The following CSMD1 variants were observed in gnomAD, a reference collection of about 807,000 sequenced individuals.
CSMD1 encodes CUB and Sushi multiple domains 1.
In CSMD1, 213 loss-of-function variants were observed where a neutral mutation model predicts 417.5. That is an observed-to-expected ratio of 0.51 (90% confidence interval 0.46 to 0.57). The LOEUF (loss-of-function observed/expected upper bound fraction) is 0.57, where lower values mean the gene tolerates loss of function less well. Among genes scored for constraint, CSMD1 ranks in the 20% least tolerant of loss-of-function variants. CSMD1 has a pLI of 0.00. For missense variants in CSMD1, 6,923 were observed against 4,529.7 expected, an observed-to-expected ratio of 1.53 and a Z score of -15.17; for synonymous variants, 2,862 against 1,736.8, an observed-to-expected ratio of 1.65 and a Z score of -16.11.
At chr8:4,240,088 C>T (rs1390992163) in intron 3 of CSMD1, among the ~76,000 whole-genome samples, 2 of 152,204 alleles carry the variant, frequency 1.3e-5, no homozygotes, top group African/African-American at 4.8e-5. Context: ...AATAAAGCTT[C>T]TTAAATACTA....
intron 5 of CSMD1, among the ~76,000 whole-genome samples, chr8:3,822,211 A>G (rs1801774618): frequency 6.6e-6 from 1 of 152,132 alleles, no homozygotes; most frequent in Admixed American, 6.5e-5. Flanking sequence ...CCTTGACTAG[A>G]CACTCTGCCA....
intron 3 of CSMD1, among the ~76,000 whole-genome samples, chr8:4,099,765 C>G (rs955499688): frequency 1.3e-5 from 2 of 152,186 alleles, no homozygotes; most frequent in Non-Finnish European, 2.9e-5. Context: ...CTGAGTTAAT[C>G]TCCCAGCCAC....
chr8:3,118,984 T>C (rs1018359116), intron 41 of CSMD1, among the ~76,000 whole-genome samples: 10 of 152,202 alleles, frequency 6.6e-5, no homozygotes, highest in Admixed American at 5.2e-4. Context: ...ATCAAGACCA[T>C]CCTGGCTAAC....
intron 10 of CSMD1, among the ~76,000 whole-genome samples, chr8:3,517,144 G>C (rs1797314426): frequency 6.6e-6 from 1 of 152,152 alleles, no homozygotes; most frequent in Admixed American, 6.5e-5. Context: ...CTCCTGCAGT[G>C]TGCTCCTCAT....
chr8:3,306,255 T>G (rs1228580160), intron 25 of CSMD1, among the ~76,000 whole-genome samples: 3 of 152,232 alleles, frequency 2.0e-5, no homozygotes, highest in Non-Finnish European at 4.4e-5. Context: ...ATCATTTGTT[T>G]ATAAATATTT....
At chr8:4,588,448 C>G (rs1225724182) in intron 2 of CSMD1, among the ~76,000 whole-genome samples, 3 of 151,348 alleles carry the variant, frequency 2.0e-5, no homozygotes, top group Admixed American at 6.6e-5. Flanking sequence ...GCCAGTCTGT[C>G]CTCTCTGCAC....
chr8:3,538,663 G>C (rs1157019898), intron 10 of CSMD1, among the ~76,000 whole-genome samples: 1 of 152,210 alleles, frequency 6.6e-6, no homozygotes, highest in Non-Finnish European at 1.5e-5. Context: ...TGCCAGACTG[G>C]CCTTTTCTTC....
intron 1 of CSMD1, among the ~76,000 whole-genome samples, chr8:4,702,645 T>TCC (rs1442047200): frequency 6.6e-6 from 1 of 151,160 alleles, no homozygotes; most frequent in Admixed American, 6.6e-5. Context: ...GAATCACAAA[T>TCC]AAACGTTTCC....
chr8:4,027,991 G>A (rs894766213), intron 4 of CSMD1, among the ~76,000 whole-genome samples: 1 of 152,116 alleles, frequency 6.6e-6, no homozygotes, highest in Non-Finnish European at 1.5e-5. Context: ...TCTTAAGTGA[G>A]ATCAATTAAT....
At chr8:4,075,886 T>C (rs1799796149) in intron 3 of CSMD1, among the ~76,000 whole-genome samples, 2 of 152,162 alleles carry the variant, frequency 1.3e-5, no homozygotes, top group South Asian at 4.1e-4. Flanking sequence ...AGCCCAGAAA[T>C]TATAATTGGA....
In CSMD1 at chr8:3,269,221, G is replaced by C. The variant is rs1585866612; in HGVS notation, c.4153+14923C>G. Among the ~76,000 whole-genome samples the C allele has an allele frequency of 2.0e-5, 3 of 152,230 alleles. No homozygotes were observed. The South Asian group carries it at 6.2e-4, about 31-fold the overall frequency. On this transcript the variant is annotated intron_variant, in intron 26 of 69. Coordinates refer to ENST00000635120, the MANE Select transcript of CSMD1 (RefSeq NM_033225.6). ...GAAAGCTGAATGCAGCTGTCTTTGG[G>C]CCTATGCTGTTCACAATCTATGATC...
At chr8:4,032,444 T>C (rs971148727) in intron 3 of CSMD1, among the ~76,000 whole-genome samples, 7 of 152,176 alleles carry the variant, frequency 4.6e-5, no homozygotes, top group African/African-American at 1.7e-4. Context: ...GATGTCAGTG[T>C]CAGCAACCAG....
rs967693025 is a variant in CSMD1, at chr8:4,199,631, A to C, written c.416-167532T>G. ...CAACGCCTTGCATTTTGCTTTGCAT[A>C]AATAAAGACTTCAACCCAAGCTCAG... On this transcript the variant is annotated intron_variant, in intron 3 of 69. Transcript: ENST00000635120. Among the ~76,000 whole-genome samples the C allele has an allele frequency of 3.9e-5, 6 of 152,106 alleles. 1 individual carries two copies. Among genetic ancestry groups the C allele is most frequent in the Admixed American group, 3.9e-4 (6 of 15,268 alleles).
intron 26 of CSMD1, among the ~76,000 whole-genome samples, chr8:3,257,815 T>A (rs567097734): frequency 1.2e-3 from 175 of 151,048 alleles, no homozygotes; most frequent in Non-Finnish European, 1.5e-3. Context: ...GTGGGTGGGG[T>A]GAGGGGAGAA....
chr8:3,975,824 A>AT (rs1317169753), intron 5 of CSMD1, among the ~76,000 whole-genome samples: 4 of 152,134 alleles, frequency 2.6e-5, no homozygotes, highest in Admixed American at 2.6e-4. Context: ...ATTCAAATAC[A>AT]TTCTTCATAT....
At chr8:3,882,824 C>T (rs1024197254) in intron 5 of CSMD1, among the ~76,000 whole-genome samples, 3 of 152,216 alleles carry the variant, frequency 2.0e-5, no homozygotes, top group Admixed American at 2.0e-4. Context: ...TCAAAATAGG[C>T]AAATTAGTCA....
intron 5 of CSMD1, among the ~76,000 whole-genome samples, chr8:3,805,165 G>C (rs1442252895): frequency 6.6e-6 from 1 of 152,112 alleles, no homozygotes; most frequent in East Asian, 1.9e-4. Context: ...CCCATTCAAA[G>C]AGACCACAAT....
intron 2 of CSMD1, among the ~76,000 whole-genome samples, chr8:4,636,755 A>G (rs1802834776): frequency 6.6e-6 from 1 of 152,216 alleles, no homozygotes; most frequent in African/African-American, 2.4e-5. Flanking sequence ...ACAAGTTGAT[A>G]GACTTCAAGT....
intron 4 of CSMD1, among the ~76,000 whole-genome samples, chr8:4,022,664 T>C (rs2554582): frequency 0.43 from 65,073 of 151,750 alleles, 14,732 homozygotes; most frequent in South Asian, 0.65. Flanking sequence ...GGGAGAGAAA[T>C]GTGGTAGATT....
Sources: allele counts gnomAD v4.1 joint callset (sites outside exome capture counted in the v4.1 genomes callset), GRCh38; gene constraint gnomAD v4.1.1; transcripts MANE v1.5; gene names NCBI Gene and HGNC (gene_info 2026-07-23, HGNC 2026-07-21).